WDR41: variants seen among roughly 807,000 people sequenced by gnomAD.
The protein encoded by WDR41 is WD repeat domain 41.
Under a neutral mutation model 69.3 loss-of-function variants are expected in WDR41, and 63 were observed. The observed-to-expected ratio is 0.91, with a 90% CI of 0.74 to 1.12. The LOEUF (loss-of-function observed/expected upper bound fraction) is 1.12. WDR41 is among the 50% of genes most tolerant of loss of function. The pLI, the probability that WDR41 is intolerant of heterozygous loss-of-function variation, is 0.00. For synonymous variants in WDR41, 185 were observed against 192.1 expected, an observed-to-expected ratio of 0.96 and a Z score of 0.31; for missense variants, 543 against 534.5, an observed-to-expected ratio of 1.02 and a Z score of -0.16.
At chr5:77,570,078 TC>T (rs1268592375) in intron 1 of WDR41, among the ~76,000 whole-genome samples, 2 of 152,060 alleles carry the variant, frequency 1.3e-5, no homozygotes, top group East Asian at 3.9e-4. Context: ...CCTATAACTG[TC>T]CCAATACCTT....
At chr5:77,590,585 A>G (rs550450476) in intron 1 of WDR41, among the ~76,000 whole-genome samples, 12 of 152,300 alleles carry the variant, frequency 7.9e-5, no homozygotes, top group African/African-American at 2.6e-4. Context: ...AGGAAGATGC[A>G]GAGGGGAACT....
chr5:77,513,237 A>G (rs1017788713), intron 1 of WDR41, among the ~76,000 whole-genome samples: 2 of 152,188 alleles, frequency 1.3e-5, no homozygotes, highest in Non-Finnish European at 2.9e-5. Context: ...GAGCCTAACT[A>G]ATAGATTTTA....
intron 2 of WDR41, among the ~76,000 whole-genome samples, chr5:77,472,926 C>A (rs948796931): frequency 3.1e-4 from 47 of 152,078 alleles, no homozygotes; most frequent in African/African-American, 9.4e-4. Flanking sequence ...ACTACTTTCA[C>A]GTTCATATGG....
chr5:77,615,856 G>C (rs1264665724), intron 1 of WDR41, among the ~76,000 whole-genome samples: 2 of 152,054 alleles, frequency 1.3e-5, no homozygotes, highest in African/African-American at 2.4e-5. Context: ...AGCCAGGTAT[G>C]GTGGCATATG....
rs779586170 is a variant in WDR41, at chr5:77,492,164, G to C, written c.51+6C>G. 8.1e-6 allele frequency: 13 copies of C among 1,611,704 alleles called. No individual in the cohort carries two copies. Among genetic ancestry groups the C allele is most frequent in the Non-Finnish European group, 8.5e-6 (10 of 1,179,186 alleles). ...CGGACGCAGAGCAGACCCACCCGGG[G>C]TTTACCTCGGCCAGTCCCTGCGGTT... On this transcript the variant is annotated splice_donor_region_variant and intron_variant, in intron 1 of 12. Transcript: ENST00000296679.
rs746546431 is a variant in WDR41 at position 77,459,058 on chromosome 5, T to C, written c.411+4A>G. Reference sequence around the variant, plus strand: ...TAAAAACTCATATTTACTTAAGATTTTACCTTTACAGTAGACTGGAAGCAT... The same window carrying C: ...TAAAAACTCATATTTACTTAAGATTCTACCTTTACAGTAGACTGGAAGCAT... On this transcript the variant is annotated splice_donor_region_variant and intron_variant, in intron 5 of 12. Transcript: ENST00000296679. The C allele has an allele frequency of 7.6e-6, 12 of 1,585,674 alleles. No individual in the cohort carries two copies. The South Asian group carries it at 1.2e-4, about 15-fold the overall frequency.
At chr5:77,518,156 C>T (rs1802319506) in intron 1 of WDR41, among the ~76,000 whole-genome samples, 1 of 151,518 alleles carries the variant, frequency 6.6e-6, no homozygotes, top group Admixed American at 6.6e-5. Context: ...TTTTCACTGC[C>T]ATAGATACGT....
intron 1 of WDR41, among the ~76,000 whole-genome samples, chr5:77,584,161 G>T (rs1366702152): frequency 6.6e-6 from 1 of 152,046 alleles, no homozygotes; most frequent in Non-Finnish European, 1.5e-5. Context: ...TGGATGTTTT[G>T]TTCCTAAGAT....
At chr5:77,489,991 T>G (rs1801697303) in intron 1 of WDR41, among the ~76,000 whole-genome samples, 1 of 152,200 alleles carries the variant, frequency 6.6e-6, no homozygotes, top group Non-Finnish European at 1.5e-5. Flanking sequence ...AGTGAAACAG[T>G]GCCTCATCCA....
At chr5:77,495,034 A>C (rs532812131), upstream of WDR41, among the ~76,000 whole-genome samples, 2 of 152,292 alleles carry the variant, frequency 1.3e-5, no homozygotes, top group African/African-American at 2.4e-5. Context: ...AAACACTCAA[A>C]CAACCAATGA....
At chr5:77,438,089 T>C (rs1799016098) in intron 10 of WDR41, 151 bp downstream of exon 10, 1 of 1,112,632 alleles carries the variant, frequency 9.0e-7, no homozygotes, top group Non-Finnish European at 1.3e-6. Flanking sequence ...ACCCTTCTGT[T>C]AGAGACAGCC....
At chr5:77,541,854 C>G (rs2112225669) in intron 1 of WDR41, among the ~76,000 whole-genome samples, 1 of 152,304 alleles carries the variant, frequency 6.6e-6, no homozygotes, top group East Asian at 1.9e-4. Flanking sequence ...TTGTGGAAGA[C>G]AGTATGGCAA....
intron 2 of WDR41, among the ~76,000 whole-genome samples, chr5:77,472,965 C>G (rs114456304): frequency 0.037 from 5,701 of 152,268 alleles, 117 homozygotes; most frequent in Middle Eastern, 0.099. Context: ...ATTGCCAAGT[C>G]AGTCCTAAGC....
rs1554109193 is a variant in WDR41 at position 77,451,367 on chromosome 5, T to C, written c.524-14A>G. On this transcript the variant is annotated splice_polypyrimidine_tract_variant and intron_variant, in intron 6 of 12. Transcript: ENST00000296679. ...AAGCACTAATACCTCCAAAAACATA[T>C]AAAACAAAGTTCAAATTATTTTTCT... 3 of 1,609,566 alleles carry C rather than the reference T, an allele frequency of 1.9e-6. No homozygotes were observed. Among genetic ancestry groups the C allele is most frequent in the Non-Finnish European group, 2.5e-6 (3 of 1,177,510 alleles).
chr5:77,436,504 G>A, intron 11 of WDR41, 110 bp from the exon 12 acceptor site: 1 of 1,354,972 alleles, frequency 7.4e-7, no homozygotes, highest in East Asian at 2.4e-5. Flanking sequence ...TTAGTCAAGG[G>A]CTAAGTGGAC....
chr5:77,595,642 C>T (rs992917119), intron 1 of WDR41, among the ~76,000 whole-genome samples: 4 of 152,210 alleles, frequency 2.6e-5, no homozygotes, highest in Non-Finnish European at 5.9e-5. Flanking sequence ...TGCAGGGTCA[C>T]AATTCGACAT....
rs1798779216 is a variant in WDR41 at position 77,432,887 on chromosome 5, A to G, written c.*248T>C. On this transcript the variant is annotated 3_prime_UTR_variant, in exon 13 of 13. Coordinates refer to ENST00000296679, the MANE Select transcript of WDR41 (RefSeq NM_018268.4). The stretch of plus-strand genomic sequence containing the variant: ...GTTCAAAATAAGCTCAAAACACAGC[A>G]CTCACCACTTCAACAGCAGCTCAAA... The G allele has an allele frequency of 2.6e-6, 1 of 387,770 alleles. No individual in the cohort carries two copies. The highest frequency in any genetic ancestry group is 4.5e-5 in the East Asian group (1 of 22,464). 24.0% of individuals were successfully genotyped at this position (387,770 alleles called of 1,614,324 possible). A position where few individuals can be genotyped will look rare whatever the true frequency, so the allele number is the denominator to read the frequency against.
Position 77,492,277 on chromosome 5 carries a change from A to C in WDR41, c.-57T>G. ...CCCCAGTCAGCCCAAACTCCGCCCC[A>C]GGCTCGGCCTCCTCCTTCCTCCCCG... On this transcript the variant is annotated 5_prime_UTR_variant, in exon 1 of 13. Coordinates refer to ENST00000296679, the MANE Select transcript of WDR41 (RefSeq NM_018268.4). The C allele has an allele frequency of 6.2e-7, 1 of 1,604,202 alleles. No homozygotes were observed. Among genetic ancestry groups the C allele is most frequent in the Non-Finnish European group, 8.5e-7 (1 of 1,175,806 alleles).
At chr5:77,494,098 A>T (rs1801901015), upstream of WDR41, among the ~76,000 whole-genome samples, 1 of 152,344 alleles carries the variant, frequency 6.6e-6, no homozygotes, top group Non-Finnish European at 1.5e-5. Flanking sequence ...GGTATAAATT[A>T]AAATGAGATT....
Sources: gnomAD v4.1 joint callset for allele counts (sites outside exome capture counted in the v4.1 genomes callset) on GRCh38, gnomAD v4.1.1 for gene constraint, MANE v1.5 for transcripts, NCBI Gene and HGNC (gene_info 2026-07-23, HGNC 2026-07-21) for gene names.